Variants in SLC28A3 observed in about 807,000 individuals in gnomAD.
SLC28A3 encodes the protein concentrative Na(+)-nucleoside cotransporter 3.
A neutral mutation model predicts 84.2 loss-of-function variants in SLC28A3; 68 were observed. That is an observed-to-expected ratio of 0.81 (90% CI 0.66 to 0.99). The LOEUF is 0.99. SLC28A3 is among the 50% of genes least tolerant of loss of function. The probability of loss-of-function intolerance (pLI) is 0.00; values close to 1 mark genes in which losing one functional copy is unlikely to be tolerated. For missense variants in SLC28A3, 712 were observed against 841.5 expected (o/e 0.85, Z 1.90); for synonymous variants, 267 against 303.6 (o/e 0.88, Z 1.25).
the SLC28A3 span, among the ~76,000 whole-genome samples, chr9:84,360,972 C>T: frequency 6.6e-6 from 1 of 152,064 alleles, no homozygotes; most frequent in South Asian, 2.1e-4. Context: ...TTCATAAATG[C>T]TAGTTTTCTT....
In SLC28A3 at chr9:84,299,582, C is replaced by G; in HGVS notation, c.668G>C (p.Arg223Thr). The part of the protein sequence containing the change: ...LLFLFSKYPT[R>T]VYWRPVLWGI... Reference sequence around the variant, plus strand: ...CTAAAAGATCAACTGGATACTTACTCTGGTTGGGTACTTGGAAAATAGAAA... The same window carrying G: ...CTAAAAGATCAACTGGATACTTACTGTGGTTGGGTACTTGGAAAATAGAAA... Residue 223 changes from arginine to threonine, a missense_variant and splice_region_variant, in exon 6 of 18, where the codon AGA becomes ACA. Transcript: ENST00000376238. The G allele has an allele frequency of 6.2e-7, 1 of 1,613,784 alleles. No individual in the cohort carries two copies. The highest frequency in any genetic ancestry group is 8.5e-7 in the Non-Finnish European group (1 of 1,179,938).
chr9:84,292,231 G>A (rs575827574), intron 10 of SLC28A3, among the ~76,000 whole-genome samples: 2 of 152,256 alleles, frequency 1.3e-5, no homozygotes, highest in Admixed American at 1.3e-4. Context: ...TGGAGATTTC[G>A]AGATAGTGAA....
chr9:84,361,818 C>T, the SLC28A3 span, among the ~76,000 whole-genome samples: 1 of 151,686 alleles, frequency 6.6e-6, no homozygotes, highest in African/African-American at 2.4e-5. Context: ...AAAGCTGAGG[C>T]GGAAGGTTCG....
chr9:84,357,807 G>A, the SLC28A3 span, among the ~76,000 whole-genome samples: 1 of 152,158 alleles, frequency 6.6e-6, no homozygotes, highest in Non-Finnish European at 1.5e-5. Flanking sequence ...ATGGCCGTGA[G>A]ATAACCCAAT....
chr9:84,356,188 C>T, the SLC28A3 span, among the ~76,000 whole-genome samples: 22 of 152,244 alleles, frequency 1.4e-4, no homozygotes, highest in African/African-American at 3.6e-4. Context: ...CTCACCTCCC[C>T]CTTCCACCCA....
chr9:84,282,290 T>G (rs1824787086), intron 14 of SLC28A3, among the ~76,000 whole-genome samples: 1 of 152,126 alleles, frequency 6.6e-6, no homozygotes, highest in South Asian at 2.1e-4. Flanking sequence ...AAACCTTTTT[T>G]TTTTTTAAAG....
chr9:84,348,426 C>G, the SLC28A3 span, among the ~76,000 whole-genome samples: 2 of 151,780 alleles, frequency 1.3e-5, no homozygotes, highest in Non-Finnish European at 2.9e-5. Context: ...TCTACACTCA[C>G]TAGCTGCAAG....
At chr9:84,350,979 T>C in the SLC28A3 span, among the ~76,000 whole-genome samples, 12 of 152,132 alleles carry the variant, frequency 7.9e-5, no homozygotes, top group African/African-American at 2.7e-4. Flanking sequence ...AGTGCTGGGA[T>C]TACAGGCATG....
chr9:84,280,150 T>A, intron 15 of SLC28A3, 77 bp from the exon 16 acceptor site: 3 of 1,404,342 alleles, frequency 2.1e-6, no homozygotes, highest in Non-Finnish European at 2.9e-6. Context: ...AAAATTGTTC[T>A]GAGGCTGGGC....
In SLC28A3 at chr9:84,278,101, A is replaced by T; in HGVS notation, c.*117T>A. 1 of 1,338,368 alleles carries T rather than the reference A, an allele frequency of 7.5e-7. No individual in the cohort carries two copies. The highest frequency in any genetic ancestry group is 1.0e-6 in the Non-Finnish European group (1 of 992,274). The allele number at this position is 1,338,368 out of a possible 1,614,324, so 82.9% of individuals were successfully genotyped here. A position where few individuals can be genotyped will look rare whatever the true frequency, so the allele number is the denominator to read the frequency against. ...TTGTTTTTCTTCATTCCTTGCAATT[A>T]AAGCTGATTCCATTATGGAAGCATC... On this transcript the variant is annotated 3_prime_UTR_variant, in exon 18 of 18. Transcript: ENST00000376238.
At chr9:84,313,661 T>A (rs1229357352) in intron 1 of SLC28A3, among the ~76,000 whole-genome samples, 1 of 151,876 alleles carries the variant, frequency 6.6e-6, no homozygotes, top group East Asian at 1.9e-4. Flanking sequence ...GTACCTGTAA[T>A]CCCAGCATGA....
intron 1 of SLC28A3, among the ~76,000 whole-genome samples, chr9:84,324,763 T>C (rs1826496427): frequency 6.6e-6 from 1 of 152,072 alleles, no homozygotes; most frequent in Non-Finnish European, 1.5e-5. Context: ...TCTTCATAGG[T>C]TGTGCTGTTT....
chr9:84,282,284 CT>C (rs527862557), intron 14 of SLC28A3, among the ~76,000 whole-genome samples: 176 of 144,350 alleles, frequency 1.2e-3, no homozygotes, highest in Non-Finnish European at 1.4e-3. Context: ...TGAGGAAAAC[CT>C]TTTTTTTTTT....
the SLC28A3 span, among the ~76,000 whole-genome samples, chr9:84,367,929 CA>C: frequency 6.6e-6 from 1 of 152,170 alleles, no homozygotes; most frequent in East Asian, 1.9e-4. Flanking sequence ...ATTCCATTCT[CA>C]GGGACATGCG....
At chr9:84,354,746 C>G in the SLC28A3 span, among the ~76,000 whole-genome samples, 1 of 151,634 alleles carries the variant, frequency 6.6e-6, no homozygotes, top group Non-Finnish European at 1.5e-5. Flanking sequence ...ACTCGAAAGG[C>G]TGAGGTGGGA....
chr9:84,278,365 A>T, intron 17 of SLC28A3, 21 bp from the exon 18 acceptor site: 15 of 1,613,682 alleles, frequency 9.3e-6, no homozygotes, highest in Non-Finnish European at 1.3e-5. Flanking sequence ...GTGGAAAGAA[A>T]CAGTTACATG....
intron 14 of SLC28A3, among the ~76,000 whole-genome samples, chr9:84,283,666 G>A (rs972015595): frequency 6.6e-6 from 1 of 152,220 alleles, no homozygotes; most frequent in Non-Finnish European, 1.5e-5. Context: ...TTAGGAAAGA[G>A]AAAGTGATGC....
In SLC28A3 at chr9:84,278,322, C is replaced by T; in HGVS notation, c.1972G>A (p.Glu658Lys). The T allele has an allele frequency of 1.2e-6, 2 of 1,614,100 alleles. No individual in the cohort carries two copies. The highest frequency in any genetic ancestry group is 1.7e-6 in the Non-Finnish European group (2 of 1,180,000). Residue 658 changes from glutamate (E) to lysine (K), a missense_variant, in exon 18 of 18, where the codon GAA becomes AAA. Glu to Lys is a moderately conservative substitution (Grantham distance 56). Coordinates refer to ENST00000376238, the MANE Select transcript of SLC28A3 (RefSeq NM_001199633.2). ...LSSTVAKGPG[E>K]VIPGGNHSLY... ...CTGTGGTTTCCTCCTGGGATGACTT[C>T]ACCAGGACCCTTGGCAACAGTGCTG... is the stretch of plus-strand genomic sequence containing the variant.
At chr9:84,308,957 T>C (rs1025769468) in intron 3 of SLC28A3, among the ~76,000 whole-genome samples, 5 of 152,214 alleles carry the variant, frequency 3.3e-5, no homozygotes, top group African/African-American at 1.2e-4. Flanking sequence ...TGGATTGGGT[T>C]TTGAGCGATC....
Sources: gnomAD v4.1 joint callset for allele counts (sites outside exome capture counted in the v4.1 genomes callset) on GRCh38, gnomAD v4.1.1 for gene constraint, MANE v1.5 for transcripts, NCBI Gene and HGNC (gene_info 2026-07-23, HGNC 2026-07-21) for gene names.